PLXNA4: variants seen among roughly 807,000 people sequenced by gnomAD.
The protein encoded by PLXNA4 is plexin-A4.
In PLXNA4, 44 loss-of-function variants were observed where a neutral mutation model predicts 191.8. That is an observed-to-expected ratio of 0.23 (90% CI 0.18 to 0.29). The LOEUF is 0.29. Among genes scored for constraint, PLXNA4 ranks in the 10% least tolerant of loss-of-function variants. PLXNA4 has a pLI of 1.00. For synonymous variants in PLXNA4, 1,082 were observed against 1,009.5 expected (o/e 1.07, Z -1.36); for missense variants, 1,800 against 2,488.8 (o/e 0.72, Z 5.89).
intron 21 of PLXNA4, 70 bp from the exon 22 acceptor site, chr7:132,168,642 G>C: frequency 6.7e-7 from 1 of 1,500,010 alleles, no homozygotes; most frequent in Admixed American, 2.2e-5. Context: ...CCACGGGATG[G>C]CTGTGCCCAT....
intron 22 of PLXNA4, among the ~76,000 whole-genome samples, chr7:132,165,934 C>G (rs1796109507): frequency 6.6e-6 from 1 of 152,204 alleles, no homozygotes; most frequent in Admixed American, 6.5e-5. Flanking sequence ...CACGGTGGCT[C>G]TTGCCTGTAA....
intron 16 of PLXNA4, among the ~76,000 whole-genome samples, chr7:132,183,224 G>A (rs947673678): frequency 3.3e-5 from 5 of 152,076 alleles, no homozygotes; most frequent in African/African-American, 9.7e-5. Context: ...ACGCATGTGC[G>A]TGCACACACA....
rs578026931 is a variant in PLXNA4 at position 132,239,865 on chromosome 7, G to A, written c.1604+1201C>T. Among the ~76,000 whole-genome samples the A allele has an allele frequency of 3.7e-4, 57 of 152,326 alleles. 1 individual carries two copies. In the South Asian group the frequency reaches 7.5e-3, roughly 20 times the overall value. On this transcript the variant is annotated intron_variant, in intron 5 of 31. Transcript: ENST00000321063. ...CATAGACTGAGTTATGTATACTTCA[G>A]TGTAGCTCAGTGGTTCTTGACTTTT...
At chr7:132,450,989 G>T (rs1433064838) in intron 3 of PLXNA4, among the ~76,000 whole-genome samples, 1 of 152,190 alleles carries the variant, frequency 6.6e-6, no homozygotes, top group African/African-American at 2.4e-5. Context: ...AATAATTCCA[G>T]GTCACCCTCT....
intron 3 of PLXNA4, among the ~76,000 whole-genome samples, chr7:132,299,170 A>C (rs1005862194): frequency 1.3e-5 from 2 of 152,240 alleles, no homozygotes; most frequent in East Asian, 3.8e-4. Context: ...TATTACTGAG[A>C]GTGTGGCTAG....
intron 2 of PLXNA4, among the ~76,000 whole-genome samples, chr7:132,496,173 T>C (rs1043036265): frequency 6.6e-6 from 1 of 152,182 alleles, no homozygotes; most frequent in Non-Finnish European, 1.5e-5. Context: ...TGGGCTCACG[T>C]CCAAGTTCTC....
intron 21 of PLXNA4, among the ~76,000 whole-genome samples, chr7:132,173,266 G>C (rs114137683): frequency 2.2e-4 from 33 of 152,318 alleles, no homozygotes; most frequent in African/African-American, 7.7e-4. Flanking sequence ...AAAATGAGTA[G>C]GACTGGGGGA....
intron 1 of PLXNA4, among the ~76,000 whole-genome samples, chr7:132,571,592 C>A (rs1260840091): frequency 6.6e-6 from 1 of 152,160 alleles, no homozygotes; most frequent in Non-Finnish European, 1.5e-5. Flanking sequence ...AGTGAAAAAA[C>A]CATCCATCCC....
intron 3 of PLXNA4, among the ~76,000 whole-genome samples, chr7:132,301,161 C>T (rs541885269): frequency 6.6e-5 from 10 of 152,294 alleles, no homozygotes; most frequent in Non-Finnish European, 1.2e-4. Flanking sequence ...TCTTTTCCCA[C>T]CCCACCCTCC....
intron 22 of PLXNA4, among the ~76,000 whole-genome samples, chr7:132,166,079 C>T (rs964643541): frequency 3.9e-5 from 6 of 151,988 alleles, no homozygotes; most frequent in Non-Finnish European, 5.9e-5. Context: ...TGCCTGTAAC[C>T]CCAGCTACTT....
chr7:132,424,130 C>T (rs1386305215), intron 3 of PLXNA4, among the ~76,000 whole-genome samples: 1 of 152,170 alleles, frequency 6.6e-6, no homozygotes, highest in Non-Finnish European at 1.5e-5. Context: ...ACGCCTCCTC[C>T]TCGCCAGGGT....
At position 132,346,861 on chromosome 7, in the gene PLXNA4, G is replaced by A. The variant is rs554565150; in HGVS notation, c.1372-48639C>T. 2.6e-5 allele frequency among the ~76,000 whole-genome samples: 4 copies of A among 152,322 alleles called. No homozygotes were observed. In the East Asian group the frequency reaches 7.7e-4, roughly 29 times the overall value. On this transcript the variant is annotated intron_variant, in intron 3 of 31. Coordinates refer to ENST00000321063, the MANE Select transcript of PLXNA4 (RefSeq NM_020911.2). ...TTCAGGTAGATATTATTGATGAGCTGTCTATTCAGAGCCTTGAATGAAAAG... is the reference window on the plus strand; with the variant it reads ...TTCAGGTAGATATTATTGATGAGCTATCTATTCAGAGCCTTGAATGAAAAG...
intron 5 of PLXNA4, among the ~76,000 whole-genome samples, chr7:132,230,653 T>G (rs1463757531): frequency 2.6e-5 from 4 of 152,166 alleles, no homozygotes; most frequent in Non-Finnish European, 5.9e-5. Flanking sequence ...CCTTCAGCCA[T>G]TAAGCTAATG....
rs764451475 is a variant in PLXNA4, at chr7:132,422,976, CAG to C, written c.1371+66314_1371+66315del. 1.6e-4 allele frequency among the ~76,000 whole-genome samples: 24 copies of C among 152,322 alleles called. No homozygotes were observed. In the Middle Eastern group the frequency reaches 0.01, roughly 65 times the overall value. Reference sequence around the variant, plus strand: ...CCAGGCTTCTCCACCTCATCAGAGGCAGAGAGTCAAGGGAGAGCAGAATGGAT... The same window carrying C: ...CCAGGCTTCTCCACCTCATCAGAGGCAGAGTCAAGGGAGAGCAGAATGGAT... On this transcript the variant is annotated intron_variant, in intron 3 of 31. Coordinates refer to ENST00000321063, the MANE Select transcript of PLXNA4 (RefSeq NM_020911.2).
intron 24 of PLXNA4, among the ~76,000 whole-genome samples, chr7:132,162,334 C>T (rs1429701875): frequency 6.6e-6 from 1 of 152,238 alleles, no homozygotes; most frequent in African/African-American, 2.4e-5. Flanking sequence ...CTCACTGCTC[C>T]TGTCCTCAAG....
intron 3 of PLXNA4, among the ~76,000 whole-genome samples, chr7:132,317,281 G>A (rs1179150461): frequency 6.6e-6 from 1 of 151,774 alleles, no homozygotes; most frequent in Non-Finnish European, 1.5e-5. Context: ...GATTGGATTG[G>A]ATTGAATTGG....
At chr7:132,261,144 G>A (rs1799627287) in intron 4 of PLXNA4, among the ~76,000 whole-genome samples, 1 of 152,266 alleles carries the variant, frequency 6.6e-6, no homozygotes, top group Admixed American at 6.5e-5. Flanking sequence ...CTCTCACACG[G>A]CCAAATCTGA....
intron 3 of PLXNA4, among the ~76,000 whole-genome samples, chr7:132,470,445 C>G (rs1334358261): frequency 6.6e-6 from 1 of 152,218 alleles, no homozygotes; most frequent in Non-Finnish European, 1.5e-5. Flanking sequence ...AACTTCACAC[C>G]TATCCCCAAT....
rs1483721844 is a variant in PLXNA4 at position 132,576,385 on chromosome 7, C to A, written c.-87+37G>T. 1 of 985,702 alleles carries A rather than the reference C, an allele frequency of 1.0e-6. No individual in the cohort carries two copies. Among genetic ancestry groups the A allele is most frequent in the African/African-American group, 1.7e-5 (1 of 57,208 alleles). 61.1% of individuals were successfully genotyped at this position (985,702 alleles called of 1,614,324 possible). On this transcript the variant is annotated intron_variant, in intron 1 of 31. Coordinates refer to ENST00000321063, the MANE Select transcript of PLXNA4 (RefSeq NM_020911.2). The surrounding 1 kb of genome is among the most constrained non-coding windows in gnomAD (Gnocchi z 5.8). The stretch of plus-strand genomic sequence containing the variant: ...TGTCCGACCTTGCTGCCCTCGCCGC[C>A]CGCCCGGCCCCACTCCCCGGCGGGC...
Sources: gnomAD v4.1 joint callset for allele counts (sites outside exome capture counted in the v4.1 genomes callset) on GRCh38, gnomAD v4.1.1 for gene constraint, Gnocchi (gnomAD v3.1) non-coding constraint, MANE v1.5 for transcripts, NCBI Gene and HGNC (gene_info 2026-07-23, HGNC 2026-07-21) for gene names.